PODXL: variants seen among roughly 807,000 people sequenced by gnomAD.
PODXL encodes podocalyxin like.
In PODXL, 20 loss-of-function variants were observed where a neutral mutation model predicts 48.9. The observed-to-expected ratio is 0.41, with a 90% confidence interval of 0.29 to 0.59. The LOEUF is 0.59. Among genes scored for constraint, PODXL ranks in the 20% least tolerant of loss-of-function variants. PODXL has a pLI of 0.31. For missense variants in PODXL, 606 were observed against 675.1 expected (o/e 0.90, Z 1.13); for synonymous variants, 295 against 287.4 (o/e 1.03, Z -0.27).
At chr7:131,554,600 C>T (rs1482682372) in intron 1 of PODXL, among the ~76,000 whole-genome samples, 1 of 152,192 alleles carries the variant, frequency 6.6e-6, no homozygotes, top group Non-Finnish European at 1.5e-5. Context: ...CAGCAGTGAG[C>T]TGGAGTCAGA....
At chr7:131,521,077 A>T (rs897345746) in intron 1 of PODXL, among the ~76,000 whole-genome samples, 5 of 151,116 alleles carry the variant, frequency 3.3e-5, no homozygotes, top group African/African-American at 4.9e-5. Flanking sequence ...CTGAGGCAGG[A>T]GATTTACTTG....
At position 131,504,178 on chromosome 7, in the gene PODXL, C is replaced by T. The variant is rs2116772749; in HGVS notation, c.*133G>A. 1 of 691,134 alleles carries T rather than the reference C, an allele frequency of 1.4e-6. No homozygotes were observed. Among genetic ancestry groups the T allele is most frequent in the South Asian group, 1.8e-5 (1 of 55,230 alleles). 42.8% of individuals were successfully genotyped at this position (691,134 alleles called of 1,614,324 possible). A position where few individuals can be genotyped will look rare whatever the true frequency, so the allele number is the denominator to read the frequency against. Reference sequence around the variant, plus strand: ...GGTTGAAAAGGGAAAAATTAAGGCCCTGGGGGGATTGGGAGGGGACACCCC... The same window carrying T: ...GGTTGAAAAGGGAAAAATTAAGGCCTTGGGGGGATTGGGAGGGGACACCCC... On this transcript the variant is annotated 3_prime_UTR_variant, in exon 9 of 9. Coordinates refer to ENST00000378555, the MANE Select transcript of PODXL (RefSeq NM_001018111.3).
chr7:131,550,032 C>T (rs985349662), intron 1 of PODXL, among the ~76,000 whole-genome samples: 17 of 152,192 alleles, frequency 1.1e-4, no homozygotes, highest in Admixed American at 9.2e-4. Flanking sequence ...GCTTGGGATG[C>T]GGGAGATGTG....
intron 5 of PODXL, among the ~76,000 whole-genome samples, chr7:131,508,734 G>T (rs560099940): frequency 2.0e-5 from 3 of 151,888 alleles, no homozygotes; most frequent in Non-Finnish European, 4.4e-5. Flanking sequence ...GTCCAGTCCT[G>T]TGGGTGTGTC....
At chr7:131,539,621 C>T (rs1048098342) in intron 1 of PODXL, among the ~76,000 whole-genome samples, 3 of 152,122 alleles carry the variant, frequency 2.0e-5, no homozygotes, top group Non-Finnish European at 2.9e-5. Flanking sequence ...GCCCAGTCCC[C>T]GAAATGTAAA....
intron 1 of PODXL, among the ~76,000 whole-genome samples, chr7:131,516,838 T>C (rs1798005415): frequency 6.7e-6 from 1 of 150,200 alleles, no homozygotes; most frequent in African/African-American, 2.4e-5. Flanking sequence ...CAAGTGATCC[T>C]TCTGCCTCAG....
chr7:131,510,983 G>C lies in PODXL; in HGVS notation c.551C>G (p.Thr184Arg). 1.9e-6 allele frequency: 3 copies of C among 1,614,176 alleles called. No individual in the cohort carries two copies. Among genetic ancestry groups the C allele is most frequent in the South Asian group, 2.2e-5 (2 of 91,080 alleles). Reference sequence around the variant, plus strand: ...GGGTTGTCGGGGGCTAAGTGGACTTGTAGGGTGAGGGGTCGTCAGATGTTC... The same window carrying C: ...GGGTTGTCGGGGGCTAAGTGGACTTCTAGGGTGAGGGGTCGTCAGATGTTC... Reference protein sequence around the residue: ...KAEHLTTPHPTSPLSPRQPTS... With the variant: ...KAEHLTTPHPRSPLSPRQPTS... Residue 184 changes from threonine (T) to arginine (R), a missense_variant, in exon 2 of 9, where the codon ACA becomes AGA. Physicochemically the swap from Thr to Arg is moderately conservative, Grantham distance 71 (BLOSUM62 -1). Coordinates refer to ENST00000378555, the MANE Select transcript of PODXL (RefSeq NM_001018111.3).
intron 1 of PODXL, among the ~76,000 whole-genome samples, chr7:131,535,873 C>T (rs944849061): frequency 6.6e-5 from 10 of 152,122 alleles, no homozygotes; most frequent in African/African-American, 2.4e-4. Context: ...GCAATCCTCC[C>T]ACCTCAGCCT....
intron 3 of PODXL, among the ~76,000 whole-genome samples, 179 bp from the exon 4 acceptor site, chr7:131,509,764 A>G (rs1797878151): frequency 3.3e-5 from 5 of 152,064 alleles, no homozygotes; most frequent in Admixed American, 3.3e-4. Context: ...CAGCAGCCGC[A>G]GCAAACGTTC....
chr7:131,500,337 A>ATAAT lies in PODXL; in HGVS notation c.*3970_*3973dup, dbSNP rs1213149974. 3 of 152,668 alleles carry ATAAT rather than the reference A, an allele frequency of 2.0e-5. No homozygotes were observed. Among genetic ancestry groups the ATAAT allele is most frequent in the Non-Finnish European group, 4.4e-5 (3 of 68,044 alleles). 9.5% of individuals were successfully genotyped at this position (152,668 alleles called of 1,614,324 possible). ...AAATATATTTTTGTAAGAAAATGCA[A>ATAAT]TAATTATTAACTATAGTTTTTACAA... On this transcript the variant is annotated 3_prime_UTR_variant, in exon 9 of 9. Coordinates refer to ENST00000378555, the MANE Select transcript of PODXL (RefSeq NM_001018111.3).
intron 1 of PODXL, among the ~76,000 whole-genome samples, chr7:131,519,372 C>A (rs1349968903): frequency 6.6e-6 from 1 of 152,106 alleles, no homozygotes; most frequent in African/African-American, 2.4e-5. Context: ...AGCCGCGCTC[C>A]AATTTCCATT....
intron 5 of PODXL, among the ~76,000 whole-genome samples, chr7:131,507,866 A>G (rs542051659): frequency 1.3e-5 from 2 of 152,272 alleles, no homozygotes; most frequent in East Asian, 3.9e-4. Flanking sequence ...GGCTTTTGTA[A>G]AGTTCACTTG....
chr7:131,503,046 A>T lies in PODXL; in HGVS notation c.*1265T>A, dbSNP rs546014213. 20 of 152,788 alleles carry T rather than the reference A, an allele frequency of 1.3e-4. No individual in the cohort carries two copies. Among genetic ancestry groups the T allele is most frequent in the African/African-American group, 3.4e-4 (14 of 41,566 alleles). The allele number at this position is 152,788 out of a possible 1,614,324, so 9.5% of individuals were successfully genotyped here. A position where few individuals can be genotyped will look rare whatever the true frequency, so the allele number is the denominator to read the frequency against. Reference sequence around the variant, plus strand: ...TCTTTTCCTGTGGCACAGGAGAATCAGAGTGAGTGAGATGAGCTAACTGGA... The same window carrying T: ...TCTTTTCCTGTGGCACAGGAGAATCTGAGTGAGTGAGATGAGCTAACTGGA... On this transcript the variant is annotated 3_prime_UTR_variant, in exon 9 of 9. Transcript: ENST00000378555.
intron 1 of PODXL, among the ~76,000 whole-genome samples, chr7:131,529,987 C>T (rs574821032): frequency 1.7e-5 from 2 of 121,086 alleles, no homozygotes; most frequent in South Asian, 2.7e-4. Context: ...GGGGTATAGG[C>T]GGGGCCTTTC....
intron 1 of PODXL, among the ~76,000 whole-genome samples, chr7:131,541,615 C>A (rs1437595632): frequency 6.7e-6 from 1 of 148,774 alleles, no homozygotes; most frequent in Non-Finnish European, 1.5e-5. Context: ...ACCTGGGAGG[C>A]GGAGGTTGCA....
chr7:131,509,128 G>A (rs185152057), intron 4 of PODXL, 100 bp from the exon 5 acceptor site: 1 of 1,088,680 alleles, frequency 9.2e-7, no homozygotes, highest in Admixed American at 1.7e-5. Context: ...AGAGTTCACG[G>A]CAAGCTGGAG....
chr7:131,515,503 G>C (rs918517366), intron 1 of PODXL, among the ~76,000 whole-genome samples: 5 of 152,060 alleles, frequency 3.3e-5, no homozygotes, highest in African/African-American at 1.2e-4. Context: ...CCAGGTTCAA[G>C]CAATTCTCCT....
chr7:131,521,586 G>T (rs1430471346), intron 1 of PODXL, among the ~76,000 whole-genome samples: 1 of 152,162 alleles, frequency 6.6e-6, no homozygotes, highest in Non-Finnish European at 1.5e-5. Context: ...ACCCACCTCG[G>T]CTTCCCAAAG....
At chr7:131,515,892 T>C (rs1184251204) in intron 1 of PODXL, among the ~76,000 whole-genome samples, 1 of 152,200 alleles carries the variant, frequency 6.6e-6, no homozygotes, top group African/African-American at 2.4e-5. Context: ...CTCTTTATTT[T>C]CTTCATACCT....
Sources: gnomAD v4.1 joint callset for allele counts (sites outside exome capture counted in the v4.1 genomes callset) on GRCh38, gnomAD v4.1.1 for gene constraint, MANE v1.5 for transcripts, NCBI Gene and HGNC (gene_info 2026-07-23, HGNC 2026-07-21) for gene names.